The following PLOD2 variants were observed in gnomAD, a reference collection of about 807,000 sequenced individuals.
PLOD2 encodes lysine hydroxylase 2.
Under a neutral mutation model 101.0 loss-of-function variants are expected in PLOD2, and 65 were observed. The observed-to-expected ratio is 0.64, with a 90% CI of 0.53 to 0.79. The LOEUF (loss-of-function observed/expected upper bound fraction) is 0.79, where lower values mean the gene tolerates loss of function less well. Among genes scored for constraint, PLOD2 ranks in the 30% least tolerant of loss-of-function variants. The pLI, the probability that PLOD2 is intolerant of heterozygous loss-of-function variation, is 0.00. For synonymous variants in PLOD2, 314 were observed against 302.9 expected (o/e 1.04, Z -0.38); for missense variants, 909 against 914.6 (o/e 0.99, Z 0.08).
At position 146,103,940 on chromosome 3, in the gene PLOD2, C is replaced by G. The variant is rs561585420; in HGVS notation, c.679+339G>C. 9.9e-5 allele frequency among the ~76,000 whole-genome samples: 15 copies of G among 152,024 alleles called. No homozygotes were observed. In the South Asian group the frequency reaches 3.1e-3, roughly 32 times the overall value. ...GGTCAAAAGGATCTACTCTAATACT[C>G]TGGGTAATTCGTAATACAAAGAATT... On this transcript the variant is annotated intron_variant, in intron 6 of 19. Coordinates refer to ENST00000282903, the MANE Select transcript of PLOD2 (RefSeq NM_182943.3).
In PLOD2 at chr3:146,071,971, G is replaced by A. The variant is rs559522738; in HGVS notation, c.1849-548C>T. The stretch of plus-strand genomic sequence containing the variant: ...CTCCCTTATCAGCTCATTACCTGGG[G>A]GACATAACCGTGCAGAGGCAGTAAT... On this transcript the variant is annotated intron_variant, in intron 17 of 19. Transcript: ENST00000282903. Among the ~76,000 whole-genome samples the A allele has an allele frequency of 2.9e-4, 44 of 151,704 alleles. No individual in the cohort carries two copies. In the South Asian group the frequency reaches 8.9e-3, roughly 31 times the overall value.
At chr3:146,122,371 C>T (rs2030222802) in intron 2 of PLOD2, among the ~76,000 whole-genome samples, 1 of 152,162 alleles carries the variant, frequency 6.6e-6, no homozygotes, top group Admixed American at 6.5e-5. Context: ...AATCCCTAAT[C>T]CTAATGCAAC....
chr3:146,109,978 T>C (rs1302401217), intron 4 of PLOD2, among the ~76,000 whole-genome samples: 1 of 152,152 alleles, frequency 6.6e-6, no homozygotes, highest in Non-Finnish European at 1.5e-5. Flanking sequence ...AAATTCTCAA[T>C]GTGTCATAAT....
chr3:146,154,961 C>T (rs1402118775), intron 1 of PLOD2, among the ~76,000 whole-genome samples: 3 of 152,076 alleles, frequency 2.0e-5, no homozygotes, highest in African/African-American at 7.2e-5. Flanking sequence ...TGTATAAAAA[C>T]GATGTATCTT....
intron 1 of PLOD2, among the ~76,000 whole-genome samples, chr3:146,144,372 G>C (rs1432528580): frequency 6.6e-6 from 1 of 152,070 alleles, no homozygotes; most frequent in Non-Finnish European, 1.5e-5. Flanking sequence ...AAACCTTGAA[G>C]AAAGTATTTT....
chr3:146,153,983 T>G (rs2032187669), intron 1 of PLOD2, among the ~76,000 whole-genome samples: 1 of 152,112 alleles, frequency 6.6e-6, no homozygotes, highest in African/African-American at 2.4e-5. Context: ...TAACCCCAAA[T>G]TAAATGAGCA....
chr3:146,071,916 T>G (rs1936155298), intron 17 of PLOD2, among the ~76,000 whole-genome samples: 1 of 151,722 alleles, frequency 6.6e-6, no homozygotes. Flanking sequence ...CCCACTAACT[T>G]AAGTTCTTCC....
At chr3:146,116,935 T>G (rs979542632) in intron 3 of PLOD2, among the ~76,000 whole-genome samples, 2 of 152,162 alleles carry the variant, frequency 1.3e-5, no homozygotes, top group Non-Finnish European at 2.9e-5. Context: ...AGAATACATA[T>G]TCCATGGAAG....
In PLOD2 at chr3:146,073,369, A is replaced by G. The variant is rs2107995123; in HGVS notation, c.1678-17T>C. ...CTTCCAGTCCTATAAAAAGAAGTAC[A>G]TATTAAAACAAATATCTTTATAAAT... On this transcript the variant is annotated splice_polypyrimidine_tract_variant and intron_variant, in intron 15 of 19. Coordinates refer to ENST00000282903, the MANE Select transcript of PLOD2 (RefSeq NM_182943.3). The G allele has an allele frequency of 1.1e-6, 1 of 910,380 alleles. No individual in the cohort carries two copies. The highest frequency in any genetic ancestry group is 2.6e-5 in the East Asian group (1 of 38,774). 56.4% of individuals were successfully genotyped at this position (910,380 alleles called of 1,614,324 possible).
chr3:146,075,229 T>C (rs1026564980), intron 15 of PLOD2, among the ~76,000 whole-genome samples: 1 of 151,488 alleles, frequency 6.6e-6, no homozygotes, highest in African/African-American at 2.4e-5. Context: ...TATTTTCCTA[T>C]TCAGAATATT....
At chr3:146,084,987 T>G (rs1265398740) in intron 11 of PLOD2, among the ~76,000 whole-genome samples, 182 bp downstream of exon 11, 2 of 152,144 alleles carry the variant, frequency 1.3e-5, no homozygotes, top group Non-Finnish European at 2.9e-5. Context: ...TCCAGATGTA[T>G]TCAGGTTGTT....
chr3:146,093,853 T>C (rs771303355), intron 7 of PLOD2, among the ~76,000 whole-genome samples: 10 of 152,350 alleles, frequency 6.6e-5, no homozygotes, highest in Non-Finnish European at 1.3e-4. Flanking sequence ...ACAGCACTTT[T>C]AGTTTTCGGA....
intron 11 of PLOD2, among the ~76,000 whole-genome samples, chr3:146,083,261 G>A (rs1194276154): frequency 6.6e-6 from 1 of 152,130 alleles, no homozygotes. Context: ...ACAATTTAAG[G>A]AGTAAAATTT....
chr3:146,103,997 T>C (rs1347875972), intron 6 of PLOD2, among the ~76,000 whole-genome samples: 1 of 152,166 alleles, frequency 6.6e-6, no homozygotes, highest in Non-Finnish European at 1.5e-5. Flanking sequence ...TAAAGTGTAA[T>C]TAATTTATAA....
At chr3:146,123,240 A>AG in intron 2 of PLOD2, 1 of 978,636 alleles carries the variant, frequency 1.0e-6, no homozygotes, top group African/African-American at 1.8e-5. Flanking sequence ...TTAAAAAAAA[A>AG]GTTTTTTGCT....
At chr3:146,113,738 G>A (rs1035327107) in intron 3 of PLOD2, among the ~76,000 whole-genome samples, 2 of 152,054 alleles carry the variant, frequency 1.3e-5, no homozygotes, top group Admixed American at 6.6e-5. Context: ...TGTGCAAATC[G>A]TTAGTAAATC....
At chr3:146,099,846 A>T (rs1054598770) in intron 7 of PLOD2, among the ~76,000 whole-genome samples, 35 of 150,396 alleles carry the variant, frequency 2.3e-4, no homozygotes, top group African/African-American at 7.8e-4. Context: ...GGATTCATCT[A>T]TTAAATTTGC....
intron 1 of PLOD2, among the ~76,000 whole-genome samples, chr3:146,155,975 T>C (rs761769624): frequency 1.7e-3 from 261 of 152,230 alleles, no homozygotes; most frequent in East Asian, 7.7e-4. Context: ...TAGAACAAAT[T>C]TCTAGAATAT....
chr3:146,133,011 TA>T (rs1318251920), intron 1 of PLOD2, among the ~76,000 whole-genome samples: 6 of 152,024 alleles, frequency 3.9e-5, no homozygotes, highest in African/African-American at 1.4e-4. Flanking sequence ...CGGTCTCTAC[TA>T]AAAATACAAA....
Sources: allele counts gnomAD v4.1 joint callset (sites outside exome capture counted in the v4.1 genomes callset), GRCh38; gene constraint gnomAD v4.1.1; transcripts MANE v1.5; gene names NCBI Gene and HGNC (gene_info 2026-07-23, HGNC 2026-07-21).